Variants in ABCB11 observed in about 807,000 individuals in gnomAD.
The protein encoded by ABCB11 is bile salt export pump.
A neutral mutation model predicts 148.0 loss-of-function variants in ABCB11; 95 were observed. That is an observed-to-expected ratio of 0.64 (90% CI 0.54 to 0.76). The LOEUF (loss-of-function observed/expected upper bound fraction) is 0.76, where lower values mean the gene tolerates loss of function less well. ABCB11 is among the 30% of genes least tolerant of loss of function. The pLI, the probability that ABCB11 is intolerant of heterozygous loss-of-function variation, is 0.00. For missense variants in ABCB11, 1,523 were observed against 1,617.8 expected (o/e 0.94, Z 1.01); for synonymous variants, 591 against 555.4 (o/e 1.06, Z -0.90).
rs936940054 is a variant in ABCB11 at position 168,999,615 on chromosome 2, C to G, written c.390-2893G>C. On this transcript the variant is annotated intron_variant, in intron 5 of 27. Transcript: ENST00000650372. ...ACCTTTTGGGGTTGGCTTTTTTCCACTTAGCATAATTCTTTCAAGTTTCAT... is the reference window on the plus strand; with the variant it reads ...ACCTTTTGGGGTTGGCTTTTTTCCAGTTAGCATAATTCTTTCAAGTTTCAT... Among the ~76,000 whole-genome samples the G allele has an allele frequency of 2.0e-5, 3 of 151,932 alleles. 1 individual carries two copies. The highest frequency in any genetic ancestry group is 7.3e-5 in the African/African-American group (3 of 41,374).
chr2:168,916,425 G>C (rs1464234249), downstream of ABCB11, among the ~76,000 whole-genome samples: 2 of 152,182 alleles, frequency 1.3e-5, no homozygotes, highest in Non-Finnish European at 2.9e-5. Context: ...GGGTTGAGTA[G>C]TTGCATTCGG....
Position 169,009,963 on chromosome 2 carries a change from C to T in ABCB11, c.389+3309G>A, listed in dbSNP as rs139173704. 4.2e-3 allele frequency among the ~76,000 whole-genome samples: 632 copies of T among 152,150 alleles called. 7 individuals are homozygous for T. Among genetic ancestry groups the T allele is most frequent in the Non-Finnish European group, 6.6e-3 (450 of 68,006 alleles). ...TATTGCTAAGAACATAGACTGAAATCCAAGTGAAAGGACAGGCCTAGATTT... is the reference window on the plus strand; with the variant it reads ...TATTGCTAAGAACATAGACTGAAATTCAAGTGAAAGGACAGGCCTAGATTT... On this transcript the variant is annotated intron_variant, in intron 5 of 27. Transcript: ENST00000650372.
At chr2:169,029,578 C>T (rs535006353) in intron 1 of ABCB11, among the ~76,000 whole-genome samples, 7 of 152,090 alleles carry the variant, frequency 4.6e-5, no homozygotes, top group African/African-American at 1.7e-4. Flanking sequence ...AATAAATACA[C>T]GGTGATCCCA....
chr2:168,991,586 A>T (rs1392468920), intron 8 of ABCB11, among the ~76,000 whole-genome samples: 1 of 152,042 alleles, frequency 6.6e-6, no homozygotes, highest in Non-Finnish European at 1.5e-5. Flanking sequence ...AGAGGAAAAA[A>T]CACATATTGC....
In ABCB11 at chr2:168,992,417, A is replaced by G. The variant is rs543061291; in HGVS notation, c.783+1294T>C. On this transcript the variant is annotated intron_variant, in intron 8 of 27. Coordinates refer to ENST00000650372, the MANE Select transcript of ABCB11 (RefSeq NM_003742.4). Reference sequence around the variant, plus strand: ...GAAAGAGATTAGTGTATTCAGAAAAAAAATGAAAAAATGTTTGCAAAACCC... The same window carrying G: ...GAAAGAGATTAGTGTATTCAGAAAAGAAATGAAAAAATGTTTGCAAAACCC... 2.0e-5 allele frequency among the ~76,000 whole-genome samples: 3 copies of G among 152,236 alleles called. No homozygotes were observed. The South Asian group carries it at 6.2e-4, about 32-fold the overall frequency.
At position 168,968,484 on chromosome 2, in the gene ABCB11, G is replaced by T; in HGVS notation, c.2018C>A (p.Thr673Asn). 6.2e-7 allele frequency: 1 copy of T among 1,610,788 alleles called. No individual in the cohort carries two copies. Among genetic ancestry groups the T allele is most frequent in the Non-Finnish European group, 8.5e-7 (1 of 1,178,236 alleles). Residue 673 changes from threonine (T) to asparagine (N), a missense_variant, in exon 17 of 28, where the codon ACT becomes AAT. By Grantham distance (65) the Thr-to-Asn change is moderately conservative. Coordinates refer to ENST00000650372, the MANE Select transcript of ABCB11 (RefSeq NM_003742.4). ...GGTCCTCGCAAGCATGTCATCTTCA[G>T]TTGCATCTACTCAACACAGCATGAG... is the stretch of plus-strand genomic sequence containing the variant. Reference protein sequence around the residue: ...ALNEEDIKDATEDDMLARTFS... With the variant: ...ALNEEDIKDANEDDMLARTFS...
chr2:168,978,595 G>C (rs1409091782), intron 11 of ABCB11, among the ~76,000 whole-genome samples: 1 of 151,998 alleles, frequency 6.6e-6, no homozygotes, highest in Non-Finnish European at 1.5e-5. Context: ...GAACCAAACA[G>C]GTTCAGGGAG....
chr2:168,965,713 C>T (rs1693284402), intron 17 of ABCB11, among the ~76,000 whole-genome samples: 1 of 151,806 alleles, frequency 6.6e-6, no homozygotes, highest in East Asian at 2.0e-4. Context: ...AGGAGACCTG[C>T]ATCAACTGTT....
intron 11 of ABCB11, among the ~76,000 whole-genome samples, chr2:168,978,230 C>G (rs1693999690): frequency 7.5e-6 from 1 of 133,030 alleles, no homozygotes; most frequent in Admixed American, 8.6e-5. Context: ...ACTGCATCTT[C>G]AAACTCCTGG....
At chr2:168,968,279 G>T in intron 17 of ABCB11, 148 bp downstream of exon 17, 2 of 686,158 alleles carry the variant, frequency 2.9e-6, no homozygotes, top group Non-Finnish European at 5.1e-6. Flanking sequence ...AGCAACCAAG[G>T]ATCACTTGCA....
intron 19 of ABCB11, among the ~76,000 whole-genome samples, chr2:168,954,517 T>G (rs1470030499): frequency 6.6e-6 from 1 of 151,640 alleles, no homozygotes; most frequent in African/African-American, 2.4e-5. Context: ...CTGACAGTTT[T>G]TTTTTTCCTT....
intron 11 of ABCB11, among the ~76,000 whole-genome samples, chr2:168,979,122 G>A (rs1694039541): frequency 6.6e-6 from 1 of 152,094 alleles, no homozygotes; most frequent in South Asian, 2.1e-4. Flanking sequence ...GAATTTTATG[G>A]ACATGGTCTT....
chr2:168,958,223 TG>T (rs1252631428), intron 18 of ABCB11, 95 bp from the exon 19 acceptor site: 2 of 1,226,060 alleles, frequency 1.6e-6, no homozygotes, highest in African/African-American at 2.9e-5. Flanking sequence ...AGTCATAGTT[TG>T]ATTAGTTATG....
At chr2:168,931,476 G>A (rs1691563269) in intron 24 of ABCB11, among the ~76,000 whole-genome samples, 3 of 152,062 alleles carry the variant, frequency 2.0e-5, no homozygotes, top group South Asian at 4.2e-4. Flanking sequence ...TTGCTTTCTG[G>A]AACATACTAA....
intron 17 of ABCB11, among the ~76,000 whole-genome samples, chr2:168,965,745 C>T (rs989832876): frequency 3.3e-5 from 5 of 151,708 alleles, no homozygotes; most frequent in Admixed American, 1.3e-4. Context: ...TAGATGAATC[C>T]ATTCACATAT....
intron 5 of ABCB11, among the ~76,000 whole-genome samples, chr2:169,002,420 GCT>G (rs1694903947): frequency 6.6e-6 from 1 of 152,084 alleles, no homozygotes; most frequent in African/African-American, 2.4e-5. Flanking sequence ...AAATAGAACT[GCT>G]ATATAACCTA....
At chr2:168,944,186 A>C (rs1339585298) in intron 21 of ABCB11, among the ~76,000 whole-genome samples, 1 of 151,994 alleles carries the variant, frequency 6.6e-6, no homozygotes, top group African/African-American at 2.4e-5. Context: ...GCTCCTCCAG[A>C]GGCTGCCCAG....
At chr2:169,016,189 C>A (rs898382869) in intron 3 of ABCB11, among the ~76,000 whole-genome samples, 2 of 152,162 alleles carry the variant, frequency 1.3e-5, no homozygotes, top group African/African-American at 4.8e-5. Flanking sequence ...CACTCCCAGC[C>A]CAAAGCTAAT....
chr2:168,944,979 C>CAAGA lies in ABCB11; in HGVS notation c.2344-22_2344-19dup, dbSNP rs1435739330. On this transcript the variant is annotated intron_variant, in intron 19 of 27. Transcript: ENST00000650372. ...GAAAAAGTCTTGGAAAGATAGTAAA[C>CAAGA]AAGAAAGTAACTTTATTATAAATAG... The CAAGA allele has an allele frequency of 7.0e-7, 1 of 1,427,328 alleles. No individual in the cohort carries two copies. The highest frequency in any genetic ancestry group is 1.5e-5 in the African/African-American group (1 of 68,696). The allele number at this position is 1,427,328 out of a possible 1,614,324, so 88.4% of individuals were successfully genotyped here. A position where few individuals can be genotyped will look rare whatever the true frequency, so the allele number is the denominator to read the frequency against.
Sources: gnomAD v4.1 joint callset for allele counts (sites outside exome capture counted in the v4.1 genomes callset) on GRCh38, gnomAD v4.1.1 for gene constraint, MANE v1.5 for transcripts, NCBI Gene and HGNC (gene_info 2026-07-23, HGNC 2026-07-21) for gene names.